Variants in USH2A observed in about 807,000 individuals in gnomAD.
USH2A encodes the protein usherin, also known as Usher syndrome 2A (autosomal recessive, mild).
A neutral mutation model predicts 538.9 loss-of-function variants in USH2A; 443 were observed. The ratio of observed to expected loss-of-function variants is 0.82; its 90% CI spans 0.76 to 0.89. The LOEUF (loss-of-function observed/expected upper bound fraction) is 0.89, where lower values mean the gene tolerates loss of function less well. Ranked by LOEUF, USH2A falls within the 40% of genes least tolerant of loss-of-function variation. USH2A has a pLI of 0.00. For missense variants in USH2A, 6,633 were observed against 6,324.8 expected, an observed-to-expected ratio of 1.05 and a Z score of -1.65; for synonymous variants, 2,413 against 2,273.5, an observed-to-expected ratio of 1.06 and a Z score of -1.75.
intron 13 of USH2A, among the ~76,000 whole-genome samples, chr1:216,242,287 G>T (rs552046864): frequency 6.6e-6 from 1 of 151,506 alleles, no homozygotes; most frequent in East Asian, 1.9e-4. Flanking sequence ...GGCAGAGCTG[G>T]CAGTGAGCCG....
intron 30 of USH2A, among the ~76,000 whole-genome samples, chr1:216,065,189 A>G (rs1244402746): frequency 6.6e-6 from 1 of 152,194 alleles, no homozygotes; most frequent in Non-Finnish European, 1.5e-5. Flanking sequence ...TTGGTTTACA[A>G]TCTGTGGGAT....
intron 44 of USH2A, 36 bp downstream of exon 44, chr1:215,866,971 A>C (rs752010726): frequency 9.3e-6 from 15 of 1,613,788 alleles, no homozygotes; most frequent in Non-Finnish European, 1.2e-5. Flanking sequence ...TTAAAAATAC[A>C]CAAAGTGTTA....
At chr1:216,325,694 T>C in intron 5 of USH2A, 95 bp from the exon 6 acceptor site, 1 of 1,191,904 alleles carries the variant, frequency 8.4e-7, no homozygotes, top group African/African-American at 1.5e-5. Context: ...CGTTTAGTGC[T>C]TTCATGAGTA....
intron 20 of USH2A, among the ~76,000 whole-genome samples, chr1:216,183,533 G>T (rs1379424674): frequency 2.6e-5 from 4 of 151,822 alleles, no homozygotes; most frequent in Admixed American, 1.3e-4. Flanking sequence ...TTTAAGATGC[G>T]GCATATTGAG....
intron 60 of USH2A, among the ~76,000 whole-genome samples, 198 bp from the exon 61 acceptor site, chr1:215,728,582 G>GACACACACACACACACACACACAC (rs1311988583): frequency 3.1e-4 from 46 of 148,590 alleles, no homozygotes; most frequent in African/African-American, 1.0e-3. Flanking sequence ...AAGTGTAGTT[G>GACACACACACACACACACACACAC]ACACACACAC....
intron 21 of USH2A, among the ~76,000 whole-genome samples, chr1:216,131,390 A>T (rs923515092): frequency 6.6e-6 from 1 of 152,060 alleles, no homozygotes; most frequent in Non-Finnish European, 1.5e-5. Context: ...TGCCTAAACC[A>T]ATGCCTAGAA....
chr1:216,199,535 G>C (rs558996214), intron 17 of USH2A, 92 bp downstream of exon 17: 1 of 1,568,204 alleles, frequency 6.4e-7, no homozygotes, highest in Non-Finnish European at 8.8e-7. Flanking sequence ...TTATAAAAAG[G>C]AATACAACTG....
In USH2A at chr1:216,247,188, G is replaced by A. The variant is rs758063197; in HGVS notation, c.2206C>T (p.Leu736Phe). ...CATCCAACATCATTAAAGCTTCGGA[G>A]AAATTTAAATCCAAAATTGCAATGA... ...CDHCNFGFKFLRSFNDVGCEP... is the reference protein window; with the variant it reads ...CDHCNFGFKFFRSFNDVGCEP... The change falls in exon 13 of 72, where the codon CTC (leucine) becomes TTC (phenylalanine). Residue 736 changes from leucine to phenylalanine, a missense_variant. By Grantham distance (22) the Leu-to-Phe change is conservative. Transcript: ENST00000307340. 4 of 1,613,904 alleles carry A rather than the reference G, an allele frequency of 2.5e-6. No homozygotes were observed. In the Admixed American group the frequency reaches 6.7e-5, roughly 27 times the overall value.
chr1:215,852,580 A>G (rs763969504), intron 44 of USH2A, among the ~76,000 whole-genome samples: 3 of 152,206 alleles, frequency 2.0e-5, no homozygotes, highest in Non-Finnish European at 4.4e-5. Context: ...TCCACAGACC[A>G]AAGTCTCATC....
intron 61 of USH2A, among the ~76,000 whole-genome samples, chr1:215,695,722 ATATCACATAACTTTCTGTTTT>A (rs1219023813): frequency 1.3e-5 from 2 of 150,930 alleles, no homozygotes; most frequent in East Asian, 3.9e-4. Context: ...AAACGTCTAC[ATATCACATAACTTTCTGTTTT>A]TGTTTGTTTG....
intron 32 of USH2A, 124 bp from the exon 33 acceptor site, chr1:216,000,686 G>T (rs1052799154): frequency 8.2e-6 from 10 of 1,226,162 alleles, no homozygotes; most frequent in Non-Finnish European, 1.1e-5. Context: ...TGAATAAATA[G>T]CCATAAAAAT....
intron 3 of USH2A, among the ~76,000 whole-genome samples, chr1:216,377,312 ACAAT>A (rs1400881713): frequency 3.3e-5 from 5 of 152,204 alleles, no homozygotes; most frequent in Admixed American, 1.3e-4. Flanking sequence ...CAGTTTTTGC[ACAAT>A]CAGTCATGGA....
chr1:215,751,450 T>C (rs554965549), intron 58 of USH2A, among the ~76,000 whole-genome samples: 2 of 152,214 alleles, frequency 1.3e-5, no homozygotes, highest in African/African-American at 4.8e-5. Context: ...TAGAACATGA[T>C]TAAGGGCTAG....
chr1:216,361,590 A>G lies in USH2A; in HGVS notation c.784+3363T>C, dbSNP rs562486364. 9.5e-4 allele frequency among the ~76,000 whole-genome samples: 145 copies of G among 152,260 alleles called. 2 individuals carry two copies. The South Asian group carries it at 0.011, about 11-fold the overall frequency. ...AACTGTCCAATTAAAACTTGGCAAA[A>G]GGCTTCCCAAAAAAGCATATTCATT... On this transcript the variant is annotated intron_variant, in intron 4 of 71. Transcript: ENST00000307340.
intron 26 of USH2A, among the ~76,000 whole-genome samples, chr1:216,079,430 C>A (rs1274728656): frequency 6.6e-6 from 1 of 152,072 alleles, no homozygotes; most frequent in Non-Finnish European, 1.5e-5. Context: ...AGGTTTAAAG[C>A]AAGGTTTTAG....
intron 16 of USH2A, among the ~76,000 whole-genome samples, chr1:216,205,535 T>C (rs2035092681): frequency 6.6e-6 from 1 of 152,142 alleles, no homozygotes; most frequent in South Asian, 2.1e-4. Context: ...AAACCCAGTA[T>C]AATGCATACA....
rs200209833 is a variant in USH2A, at chr1:216,078,133, G to A, written c.5528C>T (p.Pro1843Leu). ...TTGATAAGAGTTCAGCAGTTCCTGT[G>A]GGATTCCTCCCACATAAACTGGTGA... ...VNSPVYVGGI[P>L]QELLNSYQHL... The change falls in exon 27 of 72, where the codon CCA becomes CTA. Residue 1843 changes from proline to leucine, a missense_variant. Physicochemically the swap from Pro to Leu is moderately conservative, Grantham distance 98 (BLOSUM62 -3). Transcript: ENST00000307340. 6.2e-7 allele frequency: 1 copy of A among 1,613,610 alleles called. No homozygotes were observed. Among genetic ancestry groups the A allele is most frequent in the East Asian group, 2.2e-5 (1 of 44,854 alleles).
Position 215,836,688 on chromosome 1 carries a change from C to G in USH2A, c.9371+1303G>C, listed in dbSNP as rs1486279794. ...GCTCCTGCCTCAGCCTCCCGAGTAG[C>G]TGGGACTACAGGTGCCCCCCACCAC... On this transcript the variant is annotated intron_variant, in intron 47 of 71. Transcript: ENST00000307340. Among the ~76,000 whole-genome samples the G allele has an allele frequency of 2.1e-5, 3 of 142,934 alleles. No homozygotes were observed. The East Asian group carries it at 6.3e-4, about 30-fold the overall frequency. 93.8% of individuals were successfully genotyped at this position (142,934 alleles called of 152,430 possible). A position where few individuals can be genotyped will look rare whatever the true frequency, so the allele number is the denominator to read the frequency against.
At chr1:216,098,973 C>T (rs1410284105) in intron 21 of USH2A, among the ~76,000 whole-genome samples, 1 of 152,154 alleles carries the variant, frequency 6.6e-6, no homozygotes, top group East Asian at 1.9e-4. Context: ...GGTGAGACCA[C>T]ATCTGTACAA....
Sources: allele counts gnomAD v4.1 joint callset (sites outside exome capture counted in the v4.1 genomes callset), GRCh38; gene constraint gnomAD v4.1.1; transcripts MANE v1.5; gene names NCBI Gene and HGNC (gene_info 2026-07-23, HGNC 2026-07-21).